Variants in ASNS observed in about 807,000 individuals in gnomAD.
ASNS encodes asparagine synthetase [glutamine-hydrolyzing].
ASNS carries 37 observed loss-of-function variants against 62.6 expected under a neutral mutation model. The observed-to-expected ratio is 0.59, with a 90% CI of 0.45 to 0.78. The LOEUF is 0.78. Among genes scored for constraint, ASNS ranks in the 30% least tolerant of loss-of-function variants. The probability of loss-of-function intolerance (pLI) is 0.00; values close to 1 mark genes in which losing one functional copy is unlikely to be tolerated. For synonymous variants in ASNS, 207 were observed against 237.9 expected, an observed-to-expected ratio of 0.87 and a Z score of 1.19; for missense variants, 520 against 682.4, an observed-to-expected ratio of 0.76 and a Z score of 2.65.
At chr7:97,900,369 A>AC in the ASNS span, among the ~76,000 whole-genome samples, 2 of 150,628 alleles carry the variant, frequency 1.3e-5, no homozygotes, top group Non-Finnish European at 3.0e-5. Context: ...TCAAAAAAAA[A>AC]AAAAAAAAAA....
chr7:97,914,398 G>T, the ASNS span, among the ~76,000 whole-genome samples: 1 of 151,310 alleles, frequency 6.6e-6, no homozygotes, highest in Non-Finnish European at 1.5e-5. Flanking sequence ...CACTTTATTG[G>T]CTAGGAAAGT....
chr7:97,897,723 T>C, the ASNS span, among the ~76,000 whole-genome samples: 1 of 152,186 alleles, frequency 6.6e-6, no homozygotes, highest in African/African-American at 2.4e-5. Context: ...TAAGAACAGA[T>C]CTACCATATG....
At chr7:97,867,729 A>G (rs919538709) in intron 3 of ASNS, among the ~76,000 whole-genome samples, 2 of 152,218 alleles carry the variant, frequency 1.3e-5, no homozygotes, top group Non-Finnish European at 2.9e-5. Flanking sequence ...AATCACCTAG[A>G]AAAATGATGT....
intron 9 of ASNS, chr7:97,854,916 C>A: frequency 1.7e-6 from 1 of 573,838 alleles, no homozygotes; most frequent in Non-Finnish European, 2.9e-6. Flanking sequence ...CCACAGGATG[C>A]TAAGAAATGG....
the ASNS span, among the ~76,000 whole-genome samples, chr7:97,892,674 A>G: frequency 1.3e-5 from 2 of 152,106 alleles, no homozygotes; most frequent in African/African-American, 4.8e-5. Flanking sequence ...AAATCTCTAC[A>G]GCAGGGGCAA....
chr7:97,896,622 A>ATATATATGTATATATATATATATGTG, the ASNS span, among the ~76,000 whole-genome samples: 1 of 131,402 alleles, frequency 7.6e-6, no homozygotes, highest in African/African-American at 2.6e-5. Context: ...AAAACCACAT[A>ATATATATGTATATATATATATATGTG]TATATATGTA....
the ASNS span, among the ~76,000 whole-genome samples, chr7:97,904,751 T>C: frequency 6.6e-6 from 1 of 152,008 alleles, no homozygotes. Flanking sequence ...TACAAAAATG[T>C]TTTAATAGAA....
At chr7:97,915,259 G>A in the ASNS span, among the ~76,000 whole-genome samples, 1 of 152,320 alleles carries the variant, frequency 6.6e-6, no homozygotes, top group African/African-American at 2.4e-5. Context: ...TGCTGTTGGA[G>A]AGCTACCATG....
the ASNS span, among the ~76,000 whole-genome samples, chr7:97,913,600 G>A: frequency 6.6e-6 from 1 of 151,910 alleles, no homozygotes; most frequent in Non-Finnish European, 1.5e-5. Flanking sequence ...AAGAGTAGAA[G>A]CTATTAATAG....
the ASNS span, chr7:97,885,774 T>G: frequency 4.0e-6 from 1 of 247,898 alleles, no homozygotes; most frequent in Non-Finnish European, 7.9e-6. Context: ...TCAACATGTA[T>G]AAAATATTTT....
At chr7:97,913,372 G>A in the ASNS span, among the ~76,000 whole-genome samples, 13 of 152,324 alleles carry the variant, frequency 8.5e-5, no homozygotes, top group South Asian at 2.7e-3. Flanking sequence ...TGAGGCTCCA[G>A]GATTGGGCCA....
chr7:97,888,270 A>G, the ASNS span, among the ~76,000 whole-genome samples: 1 of 151,658 alleles, frequency 6.6e-6, no homozygotes, highest in African/African-American at 2.4e-5. Context: ...CACCACACCC[A>G]GCCTCTTATT....
upstream of ASNS, among the ~76,000 whole-genome samples, chr7:97,876,801 G>A (rs1483088612): frequency 2.0e-5 from 3 of 152,130 alleles, no homozygotes; most frequent in Admixed American, 2.0e-4. Flanking sequence ...TTGTAACACT[G>A]AGTTGGGATC....
chr7:97,870,224 A>G, intron 1 of ASNS: 1 of 945,254 alleles, frequency 1.1e-6, no homozygotes, highest in Non-Finnish European at 1.5e-6. Flanking sequence ...TCAGTGTCTG[A>G]GTGCTACGAA....
the ASNS span, among the ~76,000 whole-genome samples, chr7:97,926,421 T>G: frequency 6.6e-6 from 1 of 152,226 alleles, no homozygotes; most frequent in Non-Finnish European, 1.5e-5. Context: ...AAAAGGGCAC[T>G]CTGTTCTTCT....
the ASNS span, among the ~76,000 whole-genome samples, chr7:97,885,406 A>T: frequency 6.6e-6 from 1 of 152,226 alleles, no homozygotes; most frequent in Non-Finnish European, 1.5e-5. Context: ...CATAAACTGG[A>T]GTGGAAGTGG....
chr7:97,915,780 G>T, the ASNS span, among the ~76,000 whole-genome samples: 1 of 152,244 alleles, frequency 6.6e-6, no homozygotes, highest in East Asian at 1.9e-4. Context: ...AAGTTCAAGA[G>T]CCTGAAAGAG....
chr7:97,897,237 T>C, the ASNS span, among the ~76,000 whole-genome samples: 1 of 152,098 alleles, frequency 6.6e-6, no homozygotes, highest in Non-Finnish European at 1.5e-5. Context: ...CCTTACACCA[T>C]ACACAAAAAT....
chr7:97,881,633 G>A, the ASNS span, among the ~76,000 whole-genome samples: 1 of 152,198 alleles, frequency 6.6e-6, no homozygotes, highest in South Asian at 2.1e-4. Context: ...CCTACTACAT[G>A]TGGATGGACC....
Sources: allele counts gnomAD v4.1 joint callset (sites outside exome capture counted in the v4.1 genomes callset), GRCh38; gene constraint gnomAD v4.1.1; transcripts MANE v1.5; gene names NCBI Gene and HGNC (gene_info 2026-07-23, HGNC 2026-07-21).